KATNIP: variants seen among roughly 807,000 people sequenced by gnomAD.
The protein encoded by KATNIP is katanin-interacting protein.
Under a neutral mutation model 174.0 loss-of-function variants are expected in KATNIP, and 126 were observed. The observed-to-expected ratio is 0.72, with a 90% CI of 0.63 to 0.84. The LOEUF (loss-of-function observed/expected upper bound fraction) is 0.84, where lower values mean the gene tolerates loss of function less well. Ranked by LOEUF, KATNIP falls within the 40% of genes least tolerant of loss-of-function variation. The probability of loss-of-function intolerance (pLI) is 0.00; values close to 1 mark genes in which losing one functional copy is unlikely to be tolerated. For missense variants in KATNIP, 1,958 were observed against 2,109.7 expected (o/e 0.93, Z 1.41); for synonymous variants, 810 against 835.7 (o/e 0.97, Z 0.53).
At chr16:27,625,287 G>A (rs1403586920) in intron 3 of KATNIP, among the ~76,000 whole-genome samples, 1 of 152,126 alleles carries the variant, frequency 6.6e-6, no homozygotes, top group Non-Finnish European at 1.5e-5. Flanking sequence ...AGGGGCACCC[G>A]TGGACTGCCA....
At chr16:27,607,006 T>C (rs756238003) in intron 2 of KATNIP, among the ~76,000 whole-genome samples, 1 of 152,046 alleles carries the variant, frequency 6.6e-6, no homozygotes, top group Non-Finnish European at 1.5e-5. Flanking sequence ...ATATCACTAG[T>C]AATTGTAGAG....
At chr16:27,622,457 C>T (rs1008043487) in intron 3 of KATNIP, among the ~76,000 whole-genome samples, 7 of 152,074 alleles carry the variant, frequency 4.6e-5, no homozygotes, top group Non-Finnish European at 8.8e-5. Flanking sequence ...CGACAAGATT[C>T]ATAAAAGGGC....
At chr16:27,691,004 A>G (rs940328771) in intron 8 of KATNIP, among the ~76,000 whole-genome samples, 1 of 152,148 alleles carries the variant, frequency 6.6e-6, no homozygotes, top group Non-Finnish European at 1.5e-5. Context: ...GTGACACAAT[A>G]CATCTCTGTA....
At chr16:27,579,918 G>A (rs562121985) in intron 2 of KATNIP, among the ~76,000 whole-genome samples, 25 of 151,644 alleles carry the variant, frequency 1.6e-4, no homozygotes, top group Non-Finnish European at 2.8e-4. Flanking sequence ...TACAAGGCTA[G>A]AGGCTTCCTT....
At chr16:27,758,131 CAA>C (rs1218130428) in intron 18 of KATNIP, among the ~76,000 whole-genome samples, 2 of 152,154 alleles carry the variant, frequency 1.3e-5, no homozygotes, top group Non-Finnish European at 2.9e-5. Context: ...GCCAGGCAAA[CAA>C]AGAGATTGTA....
At chr16:27,772,385 C>T (rs1355106413) in intron 22 of KATNIP, among the ~76,000 whole-genome samples, 1 of 152,238 alleles carries the variant, frequency 6.6e-6, no homozygotes, top group Non-Finnish European at 1.5e-5. Context: ...TGAACCCAGG[C>T]AGCCTGGCTC....
chr16:27,694,756 A>G (rs1484737536), intron 8 of KATNIP, among the ~76,000 whole-genome samples: 1 of 152,128 alleles, frequency 6.6e-6, no homozygotes, highest in African/African-American at 2.4e-5. Flanking sequence ...AGATTGTGCC[A>G]CTGCACTCCA....
intron 24 of KATNIP, among the ~76,000 whole-genome samples, chr16:27,775,968 C>A (rs998367692): frequency 6.6e-6 from 1 of 152,216 alleles, no homozygotes; most frequent in African/African-American, 2.4e-5. Context: ...AGAGCTCTGT[C>A]CTCCCTGAGA....
intron 6 of KATNIP, among the ~76,000 whole-genome samples, chr16:27,675,806 A>G (rs1213733001): frequency 6.6e-6 from 1 of 152,256 alleles, no homozygotes; most frequent in South Asian, 2.1e-4. Context: ...GCTCCATTAG[A>G]CAAGGGACTC....
chr16:27,591,473 G>A (rs1189420055), intron 2 of KATNIP, among the ~76,000 whole-genome samples: 1 of 152,062 alleles, frequency 6.6e-6, no homozygotes, highest in African/African-American at 2.4e-5. Flanking sequence ...GAGCTACCAC[G>A]CCTGGCCGGA....
intron 13 of KATNIP, among the ~76,000 whole-genome samples, chr16:27,712,044 CAG>C (rs2079597052): frequency 1.3e-5 from 2 of 152,216 alleles, no homozygotes; most frequent in African/African-American, 4.8e-5. Context: ...CTCTCCAGAA[CAG>C]AGCACACTAG....
intron 5 of KATNIP, among the ~76,000 whole-genome samples, chr16:27,635,141 C>G (rs912564329): frequency 3.9e-5 from 6 of 152,164 alleles, no homozygotes; most frequent in Non-Finnish European, 8.8e-5. Flanking sequence ...AATTCTTAAA[C>G]AAAAGCCTTA....
chr16:27,756,015 A>G (rs1054780484), intron 18 of KATNIP, among the ~76,000 whole-genome samples: 3 of 152,204 alleles, frequency 2.0e-5, no homozygotes, highest in Admixed American at 6.5e-5. Context: ...GCCAGCCGTC[A>G]GCACTTCCCG....
chr16:27,727,999 T>A (rs931229924), intron 14 of KATNIP: 10 of 152,254 alleles, frequency 6.6e-5, no homozygotes, highest in Non-Finnish European at 1.3e-4. Context: ...AAATTGTTTC[T>A]TTTACACTTG....
At chr16:27,690,363 T>TAGATA (rs397837255) in intron 8 of KATNIP, among the ~76,000 whole-genome samples, 20 of 90,986 alleles carry the variant, frequency 2.2e-4, no homozygotes, top group African/African-American at 4.7e-4. Context: ...GATAGATAGA[T>TAGATA]GATAGATAGA....
chr16:27,568,759 G>T (rs1311130714), intron 1 of KATNIP, among the ~76,000 whole-genome samples: 2 of 152,160 alleles, frequency 1.3e-5, no homozygotes, highest in East Asian at 1.9e-4. Context: ...CACCGCACCC[G>T]GCCGGAAATA....
chr16:27,706,809 C>A (rs2079326982), intron 12 of KATNIP, among the ~76,000 whole-genome samples: 1 of 152,214 alleles, frequency 6.6e-6, no homozygotes, highest in Admixed American at 6.5e-5. Context: ...TTCAGCAATC[C>A]CCAGACTGAC....
chr16:27,706,667 G>A (rs2079319137), intron 12 of KATNIP, among the ~76,000 whole-genome samples: 2 of 152,156 alleles, frequency 1.3e-5, no homozygotes, highest in Admixed American at 1.3e-4. Flanking sequence ...TTTCATTTAC[G>A]AACGCAGCTG....
intron 10 of KATNIP, among the ~76,000 whole-genome samples, chr16:27,700,410 T>G (rs1221878966): frequency 6.6e-6 from 1 of 152,214 alleles, no homozygotes; most frequent in East Asian, 1.9e-4. Flanking sequence ...GTGCTCAGAA[T>G]GCAGAGGCAG....
Sources: gnomAD v4.1 joint callset for allele counts (sites outside exome capture counted in the v4.1 genomes callset) on GRCh38, gnomAD v4.1.1 for gene constraint, MANE v1.5 for transcripts, NCBI Gene and HGNC (gene_info 2026-07-23, HGNC 2026-07-21) for gene names.